Variants in CARNS1 observed in about 807,000 individuals in gnomAD.
CARNS1 encodes the protein carnosine synthase 1, also known as ATP-grasp domain containing 1.
In CARNS1, 61 loss-of-function variants were observed where a neutral mutation model predicts 74.0. That is an observed-to-expected ratio of 0.82 (90% CI 0.67 to 1.02). CARNS1 has a LOEUF of 1.02. Among genes scored for constraint, CARNS1 ranks in the 50% least tolerant of loss-of-function variants. The pLI, the probability that CARNS1 is intolerant of heterozygous loss-of-function variation, is 0.00. For synonymous variants in CARNS1, 568 were observed against 605.5 expected (o/e 0.94, Z 0.91); for missense variants, 1,278 against 1,308.4 (o/e 0.98, Z 0.36).
chr11:67,423,804 C>T lies in CARNS1; in HGVS notation c.2056C>T (p.Arg686Trp), dbSNP rs777588271. The part of the protein sequence containing the change: ...LEFGAGAVGV[R>W]LVEDAPQCHE... The stretch of plus-strand genomic sequence containing the variant: ...GTTCGGGGCAGGTGCAGTGGGTGTC[C>T]GGCTGGTAGAGGATGCGCCACAGTG... The change falls in exon 10 of 10, where the codon CGG becomes TGG. Residue 686 changes from arginine to tryptophan, a missense_variant. This residue lies in a region of CARNS1 where 1,164 missense variants were observed against 1,156.5 expected (regional missense o/e 1.01). Transcript: ENST00000687366. The surrounding 1 kb of genome is among the most constrained non-coding windows in gnomAD (Gnocchi z 5.1). 17 of 1,605,498 alleles carry T rather than the reference C, an allele frequency of 1.1e-5. No homozygotes were observed. Among genetic ancestry groups the T allele is most frequent in the Admixed American group, 1.7e-5 (1 of 59,646 alleles).
Position 67,423,317 on chromosome 11 carries a change from T to TC in CARNS1, c.1627-53dup. The TC allele has an allele frequency of 6.5e-7, 1 of 1,533,782 alleles. No individual in the cohort carries two copies. Among genetic ancestry groups the TC allele is most frequent in the Non-Finnish European group, 8.8e-7 (1 of 1,134,160 alleles). ...AGGGGCCATCCTAGGCCCCATCCTA[T>TC]CCCCCTAGCACCCAGTACTAGCTGA... On this transcript the variant is annotated intron_variant, in intron 9 of 9. Transcript: ENST00000687366. The surrounding 1 kb of genome is among the most constrained non-coding windows in gnomAD (Gnocchi z 5.1).
Position 67,425,267 on chromosome 11 carries a change from C to T in CARNS1, c.*666C>T. ...AAATGACTGCTCCAGGATTATACCA[C>T]AGTGGAGAGCGGGTCACAGGACATG... On this transcript the variant is annotated 3_prime_UTR_variant, in exon 10 of 10. Coordinates refer to ENST00000687366, the MANE Select transcript of CARNS1 (RefSeq NM_001166222.2). The T allele has an allele frequency of 2.8e-6, 1 of 357,696 alleles. No homozygotes were observed. Among genetic ancestry groups the T allele is most frequent in the Non-Finnish European group, 5.5e-6 (1 of 181,030 alleles). The allele number at this position is 357,696 out of a possible 1,614,324, so 22.2% of individuals were successfully genotyped here.
intron 2 of CARNS1, chr11:67,416,442 G>A (rs1426602291): frequency 2.5e-5 from 34 of 1,359,656 alleles, no homozygotes; most frequent in South Asian, 4.8e-5. Context: ...TCTAGGAGAC[G>A]GCACAGAGGC....
chr11:67,420,802 A>C lies in CARNS1; in HGVS notation c.1307A>C (p.Glu436Ala). 2 of 1,229,058 alleles carry C rather than the reference A, an allele frequency of 1.6e-6. No homozygotes were observed. The highest frequency in any genetic ancestry group is 2.0e-6 in the Non-Finnish European group (2 of 987,420). The allele number at this position is 1,229,058 out of a possible 1,614,324, so 76.1% of individuals were successfully genotyped here. A position where few individuals can be genotyped will look rare whatever the true frequency, so the allele number is the denominator to read the frequency against. The change falls in exon 8 of 10, where the codon GAG (glutamate) becomes GCG (alanine). Residue 436 changes from glutamate to alanine, a missense_variant. Around this residue, in one of 3 missense-constraint regions of CARNS1, gnomAD observed 1,164 missense variants for 1,156.5 expected, o/e 1.01. Transcript: ENST00000687366. ...VLALEAGLSA[E>A]QRGGRRAHTD... ...GCTCTGGAGGCCGGCCTGAGTGCCG[A>C]GCAGCGCGGCGGGCGCCGGGCGCAC...
At chr11:67,422,125 G>A (rs1476765664) in intron 9 of CARNS1, among the ~76,000 whole-genome samples, 2 of 138,592 alleles carry the variant, frequency 1.4e-5, no homozygotes, top group African/African-American at 5.5e-5. Flanking sequence ...ACCCGCCTCA[G>A]CCTCCCAAAG....
chr11:67,419,419 G>C (rs1484899648), intron 5 of CARNS1, 68 bp from the exon 6 acceptor site: 2 of 1,567,146 alleles, frequency 1.3e-6, no homozygotes, highest in South Asian at 2.3e-5. Flanking sequence ...GGCTCCTGTG[G>C]CGGAAGTGCC....
rs747303480 is a variant in CARNS1 at position 67,417,536 on chromosome 11, G to C, written c.133G>C (p.Asp45His). 4.2e-6 allele frequency: 6 copies of C among 1,420,224 alleles called. No homozygotes were observed. The highest frequency in any genetic ancestry group is 5.5e-6 in the Non-Finnish European group (6 of 1,089,826). The allele number at this position is 1,420,224 out of a possible 1,614,324, so 88.0% of individuals were successfully genotyped here. A position where few individuals can be genotyped will look rare whatever the true frequency, so the allele number is the denominator to read the frequency against. ...TGCFPGSWRQ[D>H]VGLDCKGSPE... ...CTGCTTCCCTGGCTCCTGGCGCCAGGACGTGGGCCTGGACTGCAAGGGATC... is the reference window on the plus strand; with the variant it reads ...CTGCTTCCCTGGCTCCTGGCGCCAGCACGTGGGCCTGGACTGCAAGGGATC... The change falls in exon 3 of 10, where the codon GAC (aspartate) becomes CAC (histidine). Residue 45 changes from aspartate to histidine, a missense_variant. Coordinates refer to ENST00000687366, the MANE Select transcript of CARNS1 (RefSeq NM_001166222.2).
intron 2 of CARNS1, 63 bp downstream of exon 2, chr11:67,416,265 GGA>G: frequency 6.5e-7 from 1 of 1,536,698 alleles, no homozygotes; most frequent in Non-Finnish European, 8.7e-7. Flanking sequence ...TGGGCCCAGA[GGA>G]CAGCAGGCAG....
At position 67,417,484 on chromosome 11, in the gene CARNS1, A is replaced by T; in HGVS notation, c.81A>T (p.Gly27=). 6.9e-7 allele frequency: 1 copy of T among 1,449,554 alleles called. No homozygotes were observed. The highest frequency in any genetic ancestry group is 1.4e-5 in the South Asian group (1 of 72,464). The allele number at this position is 1,449,554 out of a possible 1,614,324, so 89.8% of individuals were successfully genotyped here. Residue 27 remains glycine, a synonymous_variant, in exon 3 of 10, where the codon GGA becomes GGT. Transcript: ENST00000687366. ...ACCTGGAGGAAGAGGGCCCCTGGGG[A>T]GGGGGCTCTGGCCTGCCGCCCACAG... The part of the protein sequence containing the change: ...SKDLEEEGPW[G]GGSGLPPTGC...
At position 67,424,897 on chromosome 11, in the gene CARNS1, G is replaced by T. The variant is rs1863796695; in HGVS notation, c.*296G>T. 1 of 532,594 alleles carries T rather than the reference G, an allele frequency of 1.9e-6. No homozygotes were observed. The highest frequency in any genetic ancestry group is 3.0e-5 in the African/African-American group (1 of 33,788). The allele number at this position is 532,594 out of a possible 1,614,324, so 33.0% of individuals were successfully genotyped here. On this transcript the variant is annotated 3_prime_UTR_variant, in exon 10 of 10. Transcript: ENST00000687366. ...CACACACACACACACACACACCTCT[G>T]ACGCCAGCTCCCCAGGTGGGAGTGG...
Position 67,420,745 on chromosome 11 carries a change from C to T in CARNS1, c.1250C>T (p.Ala417Val). 1 of 1,250,324 alleles carries T rather than the reference C, an allele frequency of 8.0e-7. No individual in the cohort carries two copies. Among genetic ancestry groups the T allele is most frequent in the Non-Finnish European group, 1.0e-6 (1 of 1,001,130 alleles). 77.5% of individuals were successfully genotyped at this position (1,250,324 alleles called of 1,614,324 possible). A position where few individuals can be genotyped will look rare whatever the true frequency, so the allele number is the denominator to read the frequency against. Residue 417 changes from alanine to valine, a missense_variant, in exon 8 of 10, where the codon GCG becomes GTG. Around this residue, in one of 3 missense-constraint regions of CARNS1, gnomAD observed 1,164 missense variants for 1,156.5 expected, o/e 1.01. Transcript: ENST00000687366. ...GCGGCTGTGCGGCAGCGCGTCAAGGCGGCGGCCGAGGCCGCGCTGGCCGCC... is the reference window on the plus strand; with the variant it reads ...GCGGCTGTGCGGCAGCGCGTCAAGGTGGCGGCCGAGGCCGCGCTGGCCGCC... ...QVAAVRQRVK[A>V]AAEAALAAVL...
intron 4 of CARNS1, 40 bp downstream of exon 4, chr11:67,418,560 A>C: frequency 2.0e-6 from 3 of 1,516,810 alleles, no homozygotes; most frequent in Non-Finnish European, 2.6e-6. Flanking sequence ...CTTCTACAGA[A>C]AGGGCAGCCC....
chr11:67,421,135 G>A lies in CARNS1; in HGVS notation c.1542G>A (p.Met514Ile), dbSNP rs562422049. Residue 514 changes from methionine to isoleucine, a missense_variant, in exon 9 of 10, where the codon ATG becomes ATA. Physicochemically the swap from Met to Ile is conservative, Grantham distance 10 (BLOSUM62 1). Transcript: ENST00000687366. ...TTCGGCGGTCGGCGCGCTGCCTCAT[G>A]GAGGGAAAACAGCTGCTGGTGGTCG... ...TMLRRSARCL[M>I]EGKQLLVVGA... The A allele has an allele frequency of 1.2e-4, 178 of 1,485,094 alleles. 1 individual carries two copies. The South Asian group carries it at 2.1e-3, about 17-fold the overall frequency. The allele number at this position is 1,485,094 out of a possible 1,614,324, so 92.0% of individuals were successfully genotyped here.
In CARNS1 at chr11:67,420,904, G is replaced by A. The variant is rs1160882825; in HGVS notation, c.1346-35G>A. 7 of 1,349,736 alleles carry A rather than the reference G, an allele frequency of 5.2e-6. No individual in the cohort carries two copies. In the African/African-American group the frequency reaches 6.2e-5, roughly 12 times the overall value. The allele number at this position is 1,349,736 out of a possible 1,614,324, so 83.6% of individuals were successfully genotyped here. A position where few individuals can be genotyped will look rare whatever the true frequency, so the allele number is the denominator to read the frequency against. ...GGCCAGGGGCTGGAGGGCGGTGGCT[G>A]CCGTAGCTGAGCTCGCGCCTCCCGC... is the stretch of plus-strand genomic sequence containing the variant. On this transcript the variant is annotated intron_variant, in intron 8 of 9. Transcript: ENST00000687366.
Position 67,424,019 on chromosome 11 carries a change from G to T in CARNS1, c.2271G>T (p.Leu757=), listed in dbSNP as rs193103057. The T allele has an allele frequency of 2.5e-6, 4 of 1,612,892 alleles. No individual in the cohort carries two copies. The African/African-American group carries it at 5.3e-5, about 21-fold the overall frequency. Residue 757 remains leucine, a synonymous_variant, in exon 10 of 10, where the codon CTG becomes CTT. Coordinates refer to ENST00000687366, the MANE Select transcript of CARNS1 (RefSeq NM_001166222.2). ...AFVSDNGPTR[L]PGFTETAACM... is the part of the protein sequence containing the mutation. ...TCTCCGACAATGGCCCTACGAGGCT[G>T]CCTGGCTTCACTGAGACGGCGGCCT...
chr11:67,421,327 G>T, intron 9 of CARNS1, 108 bp downstream of exon 9: 1 of 1,232,752 alleles, frequency 8.1e-7, no homozygotes, highest in South Asian at 1.8e-5. Context: ...GGCGGGACCA[G>T]CCGCGCTAGA....
intron 2 of CARNS1, chr11:67,416,976 G>C: frequency 2.0e-6 from 2 of 992,442 alleles, no homozygotes; most frequent in Non-Finnish European, 2.4e-6. Context: ...AGCCACCTCA[G>C]AGTGATGGCT....
chr11:67,418,367 G>A, intron 3 of CARNS1, 64 bp from the exon 4 acceptor site: 4 of 1,226,650 alleles, frequency 3.3e-6, no homozygotes, highest in Non-Finnish European at 4.3e-6. Flanking sequence ...TGGAGGTGGT[G>A]GAAGGTGGGC....
chr11:67,419,906 T>C (rs1180719988), intron 7 of CARNS1, 68 bp downstream of exon 7: 3 of 1,493,634 alleles, frequency 2.0e-6, no homozygotes, highest in African/African-American at 1.4e-5. Context: ...AGTAGTGGTT[T>C]GCCAAGGGCC....
Sources: gnomAD v4.1 joint callset for allele counts (sites outside exome capture counted in the v4.1 genomes callset) on GRCh38, gnomAD v4.1.1 for gene constraint, gnomAD v4.1.1 regional missense constraint, Gnocchi (gnomAD v3.1) non-coding constraint, MANE v1.5 for transcripts, NCBI Gene and HGNC (gene_info 2026-07-23, HGNC 2026-07-21) for gene names.